Variants in SYT16 observed in about 807,000 individuals in gnomAD.
SYT16 encodes the protein synaptotagmin 16, also known as synaptotagmin-16.
In SYT16, 42 loss-of-function variants were observed where a neutral mutation model predicts 61.4. The observed-to-expected ratio is 0.68, with a 90% confidence interval of 0.53 to 0.89. SYT16 has a LOEUF of 0.89. SYT16 is among the 40% of genes least tolerant of loss of function. SYT16 has a pLI of 0.00. For missense variants in SYT16, 804 were observed against 807.3 expected, an observed-to-expected ratio of 1.00 and a Z score of 0.05; for synonymous variants, 314 against 302.3, an observed-to-expected ratio of 1.04 and a Z score of -0.40.
At chr14:61,883,317 T>C (rs1396973052) in intron 1 of SYT16, among the ~76,000 whole-genome samples, 2 of 152,262 alleles carry the variant, frequency 1.3e-5, no homozygotes, top group Non-Finnish European at 2.9e-5. Context: ...ATGTTTTTGC[T>C]CTGCTTCCCC....
Position 62,107,129 on chromosome 14 carries a change from A to G in SYT16, c.*6422A>G, listed in dbSNP as rs2057528209. 1 of 151,416 alleles carries G rather than the reference A, an allele frequency of 6.6e-6. No individual in the cohort carries two copies. Among genetic ancestry groups the G allele is most frequent in the African/African-American group, 2.4e-5 (1 of 41,152 alleles). The allele number at this position is 151,416 out of a possible 1,614,324, so 9.4% of individuals were successfully genotyped here. On this transcript the variant is annotated 3_prime_UTR_variant, in exon 8 of 8. Coordinates refer to ENST00000683842, the MANE Select transcript of SYT16 (RefSeq NM_001367656.1). ...GTTTTGTTTGTTTTATACAAAATTT[A>G]TTCATTCAAAAAGATCTTTATAGGT...
intron 2 of SYT16, among the ~76,000 whole-genome samples, chr14:61,990,279 T>G (rs2052493451): frequency 6.6e-6 from 1 of 152,226 alleles, no homozygotes; most frequent in African/African-American, 2.4e-5. Context: ...GCTTTATGAC[T>G]ACTCTAGTAA....
At chr14:61,973,786 T>C (rs2051665472) in intron 2 of SYT16, among the ~76,000 whole-genome samples, 1 of 152,064 alleles carries the variant, frequency 6.6e-6, no homozygotes, top group African/African-American at 2.4e-5. Flanking sequence ...GGGCATTTCC[T>C]CCCAGGCAGG....
intron 1 of SYT16, among the ~76,000 whole-genome samples, chr14:61,949,213 G>A (rs1412466592): frequency 6.6e-6 from 1 of 152,188 alleles, no homozygotes; most frequent in African/African-American, 2.4e-5. Flanking sequence ...TCTATGTGAA[G>A]GCACATTGAC....
chr14:61,972,730 G>A (rs193128890), intron 2 of SYT16, among the ~76,000 whole-genome samples: 26 of 152,282 alleles, frequency 1.7e-4, no homozygotes, highest in Non-Finnish European at 3.1e-4. Flanking sequence ...TTTGACAAAC[G>A]TAAAGAAGGA....
chr14:61,882,831 A>G (rs1399101052), intron 1 of SYT16, among the ~76,000 whole-genome samples: 1 of 152,238 alleles, frequency 6.6e-6, no homozygotes, highest in Non-Finnish European at 1.5e-5. Flanking sequence ...TGTTCCAAAT[A>G]AGATACATTG....
chr14:61,876,228 A>G (rs1414613812), intron 1 of SYT16, among the ~76,000 whole-genome samples: 1 of 152,248 alleles, frequency 6.6e-6, no homozygotes, highest in Non-Finnish European at 1.5e-5. Context: ...GCTAACATAC[A>G]TATAAAATCA....
intron 1 of SYT16, among the ~76,000 whole-genome samples, chr14:61,850,515 G>A (rs1448607095): frequency 6.6e-6 from 1 of 152,138 alleles, no homozygotes; most frequent in Non-Finnish European, 1.5e-5. Context: ...CTTTTAAGAA[G>A]TGTACATATC....
chr14:62,031,688 T>C (rs918945087), intron 3 of SYT16, among the ~76,000 whole-genome samples: 5 of 152,168 alleles, frequency 3.3e-5, no homozygotes, highest in African/African-American at 1.2e-4. Context: ...GAGCAGACCT[T>C]ATGATTCATG....
chr14:61,919,189 G>A (rs1249780350), intron 1 of SYT16, among the ~76,000 whole-genome samples: 1 of 152,150 alleles, frequency 6.6e-6, no homozygotes, highest in Non-Finnish European at 1.5e-5. Flanking sequence ...CACAAGAGCA[G>A]GTAAACAGTA....
chr14:61,822,658 A>G (rs1370500899), intron 1 of SYT16, among the ~76,000 whole-genome samples: 2 of 152,250 alleles, frequency 1.3e-5, no homozygotes, highest in Admixed American at 6.5e-5. Context: ...GGGGAAGTCC[A>G]TCTGAATAAG....
chr14:62,059,793 CA>C (rs2055744730), intron 3 of SYT16, among the ~76,000 whole-genome samples: 1 of 150,986 alleles, frequency 6.6e-6, no homozygotes, highest in African/African-American at 2.4e-5. Flanking sequence ...CACACACACA[CA>C]CACACACTCA....
At position 61,970,836 on chromosome 14, in the gene SYT16, C is replaced by T. The variant is rs1390212962; in HGVS notation, c.-145+525C>T. ...TATTTTCAATTACTGAAGCCTAGAA[C>T]TTTGTGATACAGGATGTTCTTACAG... On this transcript the variant is annotated intron_variant, in intron 2 of 7. Coordinates refer to ENST00000683842, the MANE Select transcript of SYT16 (RefSeq NM_001367656.1). Among the ~76,000 whole-genome samples the T allele has an allele frequency of 2.0e-5, 3 of 152,050 alleles. No homozygotes were observed. The South Asian group carries it at 6.2e-4, about 31-fold the overall frequency.
At chr14:61,932,389 T>C (rs997893126) in intron 1 of SYT16, among the ~76,000 whole-genome samples, 3 of 152,192 alleles carry the variant, frequency 2.0e-5, no homozygotes, top group African/African-American at 7.2e-5. Flanking sequence ...AGGTTTAATT[T>C]CCCACAGTTC....
chr14:61,844,254 A>G (rs761505964), intron 1 of SYT16, among the ~76,000 whole-genome samples: 2 of 152,142 alleles, frequency 1.3e-5, no homozygotes, highest in African/African-American at 2.4e-5. Context: ...GCAACTTTAT[A>G]GAATTTATCA....
intron 1 of SYT16, chr14:61,865,278 C>A: frequency 2.5e-6 from 2 of 796,948 alleles, no homozygotes; most frequent in South Asian, 2.9e-5. Flanking sequence ...TGTCTTTTGC[C>A]TCATGCCCTA....
chr14:62,048,735 C>T (rs561121543), intron 3 of SYT16, among the ~76,000 whole-genome samples: 1 of 152,238 alleles, frequency 6.6e-6, no homozygotes, highest in Admixed American at 6.5e-5. Context: ...TTATTATGTA[C>T]CCAGTAGTCA....
intron 3 of SYT16, among the ~76,000 whole-genome samples, chr14:62,020,435 C>T (rs1450993009): frequency 2.6e-5 from 4 of 152,174 alleles, no homozygotes; most frequent in Admixed American, 6.6e-5. Flanking sequence ...CTGTCCTCTT[C>T]TCTCTCCGTC....
At chr14:61,835,538 G>A (rs1006710815) in intron 1 of SYT16, among the ~76,000 whole-genome samples, 6 of 151,446 alleles carry the variant, frequency 4.0e-5, no homozygotes, top group Admixed American at 6.6e-5. Context: ...GATTACAGGC[G>A]TGAGCCACTG....
Sources: gnomAD v4.1 joint callset for allele counts (sites outside exome capture counted in the v4.1 genomes callset) on GRCh38, gnomAD v4.1.1 for gene constraint, MANE v1.5 for transcripts, NCBI Gene and HGNC (gene_info 2026-07-23, HGNC 2026-07-21) for gene names.